The following TOX2 variants were observed in gnomAD, a reference collection of about 807,000 sequenced individuals.
The protein encoded by TOX2 is TOX high mobility group box family member 2.
In TOX2, 15 loss-of-function variants were observed where a neutral mutation model predicts 47.4. The observed-to-expected ratio is 0.32, with a 90% confidence interval of 0.21 to 0.49. The LOEUF is 0.49. Ranked by LOEUF, TOX2 falls within the 20% of genes least tolerant of loss-of-function variation. The pLI is 0.99. For missense variants in TOX2, 622 were observed against 673.1 expected, an observed-to-expected ratio of 0.92 and a Z score of 0.84; for synonymous variants, 290 against 296.6, an observed-to-expected ratio of 0.98 and a Z score of 0.23.
At chr20:43,953,939 C>T (rs2069624428) in intron 1 of TOX2, among the ~76,000 whole-genome samples, 1 of 152,190 alleles carries the variant, frequency 6.6e-6, no homozygotes. Context: ...CAGGATTTCT[C>T]ATGCATCCAT....
chr20:44,038,086 C>T (rs896191397), intron 3 of TOX2, among the ~76,000 whole-genome samples: 3 of 152,164 alleles, frequency 2.0e-5, no homozygotes, highest in African/African-American at 4.8e-5. Flanking sequence ...GCTTTAATTT[C>T]TGATTGTGCT....
At chr20:43,977,191 C>T (rs1255032335) in intron 2 of TOX2, among the ~76,000 whole-genome samples, 4 of 152,156 alleles carry the variant, frequency 2.6e-5, no homozygotes, top group Admixed American at 2.6e-4. Flanking sequence ...CAACCTCCAC[C>T]TCCTGGGTTC....
chr20:43,968,164 C>A (rs992066840), intron 1 of TOX2, among the ~76,000 whole-genome samples: 2 of 152,188 alleles, frequency 1.3e-5, no homozygotes, highest in African/African-American at 4.8e-5. Flanking sequence ...ATTCGTCCAC[C>A]CATCTGCCCA....
Position 44,063,312 on chromosome 20 carries a change from G to A in TOX2, c.880-1465G>A, listed in dbSNP as rs6103593. On this transcript the variant is annotated intron_variant, in intron 5 of 8. Transcript: ENST00000341197. ...AAAAAAACAATCCCATCAAAAATTG[G>A]GCTAAGGAGATGAATAGAGAATTCT... Among the ~76,000 whole-genome samples, 1,325 of 152,158 alleles carry A rather than the reference G, an allele frequency of 8.7e-3. 20 individuals carry two copies. Among genetic ancestry groups the A allele is most frequent in the African/African-American group, 0.031 (1,286 of 41,492 alleles).
intron 3 of TOX2, among the ~76,000 whole-genome samples, chr20:44,022,143 C>T (rs1045711409): frequency 1.3e-5 from 2 of 152,158 alleles, no homozygotes; most frequent in East Asian, 1.9e-4. Context: ...GCCCCTTAAC[C>T]GGGACTCTCC....
rs556184890 is a variant in TOX2 at position 44,066,364 on chromosome 20, G to A, written c.1356+257G>A. Among the ~76,000 whole-genome samples the A allele has an allele frequency of 3.3e-5, 5 of 152,246 alleles. No individual in the cohort carries two copies. In the South Asian group the frequency reaches 1.0e-3, roughly 32 times the overall value. On this transcript the variant is annotated intron_variant, in intron 7 of 8. Coordinates refer to ENST00000341197, the MANE Select transcript of TOX2 (RefSeq NM_001098797.2). ...CCAGTCCCCCCTTCCTGCATCCTCA[G>A]CCCTAGCCCTGGCCCTTCCCAAAGC...
intron 1 of TOX2, among the ~76,000 whole-genome samples, chr20:43,929,304 C>T (rs1173640493): frequency 6.6e-6 from 1 of 152,196 alleles, no homozygotes; most frequent in Admixed American, 6.5e-5. Flanking sequence ...CAGTGCTTTG[C>T]CCTGGTGAGT....
In TOX2 at chr20:44,006,539, T is replaced by C. The variant is rs777929263; in HGVS notation, c.166-8T>C. On this transcript the variant is annotated splice_polypyrimidine_tract_variant and splice_region_variant and intron_variant, in intron 2 of 8. Coordinates refer to ENST00000341197, the MANE Select transcript of TOX2 (RefSeq NM_001098797.2). ...GACCCCCACCGACATGTCTTTTTGATGTTTTAGACCTACAACGGCCAGAGC... is the reference window on the plus strand; with the variant it reads ...GACCCCCACCGACATGTCTTTTTGACGTTTTAGACCTACAACGGCCAGAGC... The C allele has an allele frequency of 6.2e-7, 1 of 1,606,336 alleles. No homozygotes were observed. The highest frequency in any genetic ancestry group is 1.1e-5 in the South Asian group (1 of 90,552).
rs1405678580 is a variant in TOX2 at position 43,956,560 on chromosome 20, A to T, written c.100-16807A>T. ...TGGGTGAGAGTAAGGTTCTATCTTTAAAAAAAAAAAAAAAAAAAAAAGACT... is the reference window on the plus strand; with the variant it reads ...TGGGTGAGAGTAAGGTTCTATCTTTTAAAAAAAAAAAAAAAAAAAAAGACT... On this transcript the variant is annotated intron_variant, in intron 1 of 8. Transcript: ENST00000341197. Among the ~76,000 whole-genome samples, 178 of 62,070 alleles carry T rather than the reference A, an allele frequency of 2.9e-3. 1 individual carries two copies. Among genetic ancestry groups the T allele is most frequent in the African/African-American group, 0.022 (174 of 7,778 alleles). The allele number at this position is 62,070 out of a possible 152,430, so 40.7% of individuals were successfully genotyped here.
At chr20:44,056,770 T>G (rs1164520196) in intron 5 of TOX2, among the ~76,000 whole-genome samples, 1 of 152,246 alleles carries the variant, frequency 6.6e-6, no homozygotes, top group Non-Finnish European at 1.5e-5. Flanking sequence ...GGAATTTAAT[T>G]TGTAACTGCC....
chr20:44,001,317 A>G (rs2070578573), intron 2 of TOX2, among the ~76,000 whole-genome samples: 1 of 152,208 alleles, frequency 6.6e-6, no homozygotes. Flanking sequence ...GAAGATAATA[A>G]TCACTTCTCT....
chr20:44,068,611 G>T (rs1429877120), intron 8 of TOX2, 39 bp from the exon 9 acceptor site: 2 of 1,597,168 alleles, frequency 1.3e-6, no homozygotes, highest in Non-Finnish European at 1.7e-6. Flanking sequence ...GCCCGGAGAG[G>T]TACCCAACAG....
intron 8 of TOX2, among the ~76,000 whole-genome samples, chr20:44,068,371 T>C (rs1410590786): frequency 1.3e-5 from 2 of 152,052 alleles, no homozygotes; most frequent in Non-Finnish European, 2.9e-5. Context: ...AGAGCAATGG[T>C]GACATCGGCG....
intron 1 of TOX2, among the ~76,000 whole-genome samples, chr20:43,972,118 G>A (rs7352611): frequency 6.6e-6 from 1 of 152,326 alleles, no homozygotes; most frequent in African/African-American, 2.4e-5. Flanking sequence ...TTGAGCACAA[G>A]CTGCCTGCAA....
At chr20:44,006,224 G>A (rs2070676421) in intron 2 of TOX2, among the ~76,000 whole-genome samples, 1 of 152,206 alleles carries the variant, frequency 6.6e-6, no homozygotes. Flanking sequence ...GGGTGGGCAG[G>A]AAAGATGGAT....
At chr20:43,997,476 C>G (rs6073273) in intron 2 of TOX2, among the ~76,000 whole-genome samples, 1 of 152,116 alleles carries the variant, frequency 6.6e-6, no homozygotes, top group Non-Finnish European at 1.5e-5. Flanking sequence ...CAAAATTAGC[C>G]TGATACTGTA....
At chr20:43,977,560 C>T (rs2070103739) in intron 2 of TOX2, among the ~76,000 whole-genome samples, 1 of 152,200 alleles carries the variant, frequency 6.6e-6, no homozygotes, top group African/African-American at 2.4e-5. Context: ...ACTTTCACCG[C>T]CGCTCTACGG....
At chr20:44,003,451 A>G (rs1334397478) in intron 2 of TOX2, among the ~76,000 whole-genome samples, 6 of 152,106 alleles carry the variant, frequency 3.9e-5, no homozygotes, top group Non-Finnish European at 5.9e-5. Context: ...GGCCTCCCAA[A>G]GTGCTGGGAT....
At position 43,916,228 on chromosome 20, in the gene TOX2, C is replaced by A. The variant is rs1167206196; in HGVS notation, c.99+1238C>A. 2.0e-6 allele frequency: 2 copies of A among 985,438 alleles called. No homozygotes were observed. The highest frequency in any genetic ancestry group is 2.4e-6 in the Non-Finnish European group (2 of 830,034). 61.0% of individuals were successfully genotyped at this position (985,438 alleles called of 1,614,324 possible). A position where few individuals can be genotyped will look rare whatever the true frequency, so the allele number is the denominator to read the frequency against. ...TGCGGGGTGAGTGCGCGTCCAGTGG[C>A]TGGATCGGCGCCCCCCAGGGTCTCT... On this transcript the variant is annotated intron_variant, in intron 1 of 8. Transcript: ENST00000341197. This position sits in a 1 kb window ranked among gnomAD's most constrained non-coding sequence, Gnocchi z 5.0.
Sources: allele counts gnomAD v4.1 joint callset (sites outside exome capture counted in the v4.1 genomes callset), GRCh38; gene constraint gnomAD v4.1.1; non-coding constraint Gnocchi (gnomAD v3.1); transcripts MANE v1.5; gene names NCBI Gene and HGNC (gene_info 2026-07-23, HGNC 2026-07-21).